Variants in FAM227A observed in about 807,000 individuals in gnomAD.
FAM227A encodes protein FAM227A.
Under a neutral mutation model 74.7 loss-of-function variants are expected in FAM227A, and 80 were observed. The observed-to-expected ratio is 1.07, with a 90% confidence interval of 0.89 to 1.29. FAM227A has a LOEUF of 1.29. Among genes scored for constraint, FAM227A ranks in the 50% most tolerant of loss-of-function variants. The pLI, the probability that FAM227A is intolerant of heterozygous loss-of-function variation, is 0.00. For synonymous variants in FAM227A, 237 were observed against 241.8 expected (o/e 0.98, Z 0.19); for missense variants, 654 against 683.4 (o/e 0.96, Z 0.48).
chr22:38,622,461 T>C (rs2091710755), intron 10 of FAM227A, among the ~76,000 whole-genome samples: 1 of 152,196 alleles, frequency 6.6e-6, no homozygotes, highest in South Asian at 2.1e-4. Context: ...CCAGAACTCA[T>C]TATGGGTCTG....
intron 16 of FAM227A, among the ~76,000 whole-genome samples, chr22:38,590,877 C>T (rs749405684): frequency 2.0e-5 from 3 of 151,992 alleles, no homozygotes; most frequent in Admixed American, 1.3e-4. Flanking sequence ...CTCCAGCTCC[C>T]GGGTTCAAGC....
At chr22:38,606,905 G>A (rs1249983903) in intron 12 of FAM227A, among the ~76,000 whole-genome samples, 2 of 152,172 alleles carry the variant, frequency 1.3e-5, no homozygotes, top group Non-Finnish European at 2.9e-5. Flanking sequence ...TAGGCTGGGC[G>A]AGGTGGCTCA....
chr22:38,634,375 A>C (rs1409403940), intron 6 of FAM227A, among the ~76,000 whole-genome samples: 1 of 152,220 alleles, frequency 6.6e-6, no homozygotes, highest in Non-Finnish European at 1.5e-5. Context: ...TCCATGATAT[A>C]GATGTCAAAA....
At chr22:38,650,479 C>G (rs1047371702) in intron 1 of FAM227A, among the ~76,000 whole-genome samples, 1 of 152,120 alleles carries the variant, frequency 6.6e-6, no homozygotes, top group East Asian at 1.9e-4. Context: ...CTCTGCCCCT[C>G]CCCCATGATG....
intron 12 of FAM227A, among the ~76,000 whole-genome samples, chr22:38,605,891 CA>C (rs901595110): frequency 1.1e-4 from 17 of 152,110 alleles, no homozygotes; most frequent in African/African-American, 3.9e-4. Flanking sequence ...ATTTCTCCCT[CA>C]AAAAAATAAT....
At chr22:38,632,134 G>T (rs1358899811) in intron 6 of FAM227A, among the ~76,000 whole-genome samples, 2 of 152,188 alleles carry the variant, frequency 1.3e-5, no homozygotes, top group Admixed American at 6.5e-5. Flanking sequence ...GAGGGGCACT[G>T]AGGTTAGATA....
At position 38,631,117 on chromosome 22, in the gene FAM227A, G is replaced by A. The variant is rs372359365; in HGVS notation, c.520-2182C>T. On this transcript the variant is annotated intron_variant, in intron 6 of 16. Coordinates refer to ENST00000535113, the MANE Select transcript of FAM227A (RefSeq NM_001013647.2). ...TGGGAGGCGGAGGTTGCAGTGAGCC[G>A]AGATTGCACCACTCTACTCCAGCCT... Among the ~76,000 whole-genome samples the A allele has an allele frequency of 3.2e-4, 48 of 152,240 alleles. 1 individual carries two copies. In the East Asian group the frequency reaches 7.3e-3, roughly 23 times the overall value.
Position 38,610,672 on chromosome 22 carries a change from G to C in FAM227A, c.1039-3196C>G, listed in dbSNP as rs964252593. 2.6e-5 allele frequency among the ~76,000 whole-genome samples: 4 copies of C among 152,174 alleles called. No homozygotes were observed. The East Asian group carries it at 7.7e-4, about 29-fold the overall frequency. On this transcript the variant is annotated intron_variant, in intron 11 of 16. Transcript: ENST00000535113. ...TGCAGTGAGCTGAGATCACGCTATT[G>C]CAACAAGAGCGAAACTGCATCTCAA...
intron 12 of FAM227A, among the ~76,000 whole-genome samples, chr22:38,607,176 C>CAAAAAAAAAAAAAAAAAAAAA (rs528873313): frequency 1.8e-5 from 1 of 55,678 alleles, no homozygotes. Flanking sequence ...GACTTCATCT[C>CAAAAAAAAAAAAAAAAAAAAA]AAAAAAAAAA....
intron 11 of FAM227A, among the ~76,000 whole-genome samples, chr22:38,608,916 T>A (rs2091350484): frequency 6.8e-6 from 1 of 146,840 alleles, no homozygotes; most frequent in South Asian, 2.2e-4. Context: ...CTGCCTCAGC[T>A]CCCCGAGTAG....
chr22:38,616,909 A>C (rs2091589561), intron 11 of FAM227A, among the ~76,000 whole-genome samples: 2 of 151,768 alleles, frequency 1.3e-5, no homozygotes, highest in Admixed American at 1.3e-4. Context: ...CTCCATAGGC[A>C]CAGAGATGGC....
At chr22:38,653,991 AAT>A (rs2092356281) in intron 1 of FAM227A, 1 of 152,200 alleles carries the variant, frequency 6.6e-6, no homozygotes, top group South Asian at 2.1e-4. Context: ...AAGATGACAT[AAT>A]AGTGTGTTTT....
intron 6 of FAM227A, among the ~76,000 whole-genome samples, chr22:38,629,356 C>T (rs568034549): frequency 2.4e-4 from 37 of 152,354 alleles, no homozygotes; most frequent in East Asian, 2.3e-3. Flanking sequence ...TGGAATTATC[C>T]GTGAGCTCAG....
At chr22:38,639,474 C>T (rs2092069729) in intron 4 of FAM227A, 181 bp downstream of exon 4, 1 of 668,524 alleles carries the variant, frequency 1.5e-6, no homozygotes, top group African/African-American at 1.8e-5. Context: ...TAGGTGGTCT[C>T]TAAATGGTAC....
At chr22:38,613,211 T>C (rs1252696699) in intron 11 of FAM227A, among the ~76,000 whole-genome samples, 1 of 65,992 alleles carries the variant, frequency 1.5e-5, no homozygotes, top group Non-Finnish European at 2.6e-5. Context: ...ATTATATATA[T>C]CTATGCTGTA....
At chr22:38,632,247 T>C (rs1043363574) in intron 6 of FAM227A, among the ~76,000 whole-genome samples, 4 of 152,072 alleles carry the variant, frequency 2.6e-5, no homozygotes, top group Admixed American at 2.6e-4. Flanking sequence ...GGGAATATGA[T>C]TGCTATGGTC....
intron 6 of FAM227A, among the ~76,000 whole-genome samples, chr22:38,630,364 G>A (rs2091893412): frequency 6.6e-6 from 1 of 152,222 alleles, no homozygotes; most frequent in Non-Finnish European, 1.5e-5. Flanking sequence ...CTTCAGACTG[G>A]CAGTCTAGTG....
intron 6 of FAM227A, among the ~76,000 whole-genome samples, chr22:38,630,823 A>G (rs2145616345): frequency 6.6e-6 from 1 of 152,332 alleles, no homozygotes; most frequent in South Asian, 2.1e-4. Flanking sequence ...TGTGGAGCCC[A>G]GAGAGGGCAT....
At chr22:38,628,477 T>C (rs926118877) in intron 7 of FAM227A, 135 bp from the exon 8 acceptor site, 1 of 655,798 alleles carries the variant, frequency 1.5e-6, no homozygotes, top group Admixed American at 2.8e-5. Context: ...ATATGCTTTA[T>C]GAAATAATGT....
Sources: allele counts gnomAD v4.1 joint callset (sites outside exome capture counted in the v4.1 genomes callset), GRCh38; gene constraint gnomAD v4.1.1; transcripts MANE v1.5; gene names NCBI Gene and HGNC (gene_info 2026-07-23, HGNC 2026-07-21).